Variants in SAMMSON observed in about 807,000 individuals in gnomAD.
SAMMSON encodes survival associated mitochondrial melanoma specific oncogenic non-coding RNA.
intron 3 of SAMMSON, among the ~76,000 whole-genome samples, chr3:70,037,965 A>T (rs1432641215): frequency 1.3e-5 from 2 of 152,182 alleles, no homozygotes; most frequent in Admixed American, 6.6e-5. Context: ...CATACTGGGG[A>T]TTATTACACT....
chr3:70,175,485 G>T (rs543710843), intron 4 of SAMMSON, among the ~76,000 whole-genome samples: 1 of 152,038 alleles, frequency 6.6e-6, no homozygotes, highest in African/African-American at 2.4e-5. Flanking sequence ...TCACATTAGG[G>T]CTCTGTTAGG....
At chr3:70,378,751 A>G (rs1703040844) in intron 9 of SAMMSON, among the ~76,000 whole-genome samples, 1 of 152,094 alleles carries the variant, frequency 6.6e-6, no homozygotes, top group African/African-American at 2.4e-5. Flanking sequence ...ACACATTGGT[A>G]CAAGTATGAA....
intron 3 of SAMMSON, among the ~76,000 whole-genome samples, chr3:70,057,104 T>G (rs2067170678): frequency 6.6e-6 from 1 of 152,038 alleles, no homozygotes; most frequent in Admixed American, 6.6e-5. Flanking sequence ...TTCTTAATAC[T>G]CCTACTAAAT....
At chr3:70,173,557 C>T (rs573711374) in intron 4 of SAMMSON, among the ~76,000 whole-genome samples, 3 of 152,032 alleles carry the variant, frequency 2.0e-5, no homozygotes, top group East Asian at 1.9e-4. Flanking sequence ...TGCCCTCTCA[C>T]GACTTTTGCA....
At chr3:70,147,780 A>G (rs529694530) in intron 4 of SAMMSON, among the ~76,000 whole-genome samples, 1 of 152,182 alleles carries the variant, frequency 6.6e-6, no homozygotes, top group East Asian at 1.9e-4. Context: ...ATCAATCCCT[A>G]AAAGAAAATA....
intron 2 of SAMMSON, among the ~76,000 whole-genome samples, chr3:70,399,495 C>T (rs1456101221): frequency 2.6e-5 from 4 of 152,266 alleles, no homozygotes; most frequent in South Asian, 2.1e-4. Context: ...TGTAGACCAA[C>T]TAGAGGTTTT....
At chr3:70,377,491 A>T (rs900974275) in intron 9 of SAMMSON, among the ~76,000 whole-genome samples, 3 of 152,128 alleles carry the variant, frequency 2.0e-5, no homozygotes, top group African/African-American at 7.2e-5. Context: ...ATAGAAATAA[A>T]TTCCAGATGG....
intron 4 of SAMMSON, among the ~76,000 whole-genome samples, chr3:70,185,285 C>G (rs916724406): frequency 2.0e-5 from 3 of 152,124 alleles, no homozygotes; most frequent in Non-Finnish European, 4.4e-5. Flanking sequence ...TATATCTTAT[C>G]CCATGGAAAT....
chr3:70,053,998 T>C (rs2067157155), intron 3 of SAMMSON, among the ~76,000 whole-genome samples: 1 of 152,148 alleles, frequency 6.6e-6, no homozygotes, highest in East Asian at 1.9e-4. Context: ...GTACACTTTG[T>C]CTTCCTGCAG....
intron 7 of SAMMSON, among the ~76,000 whole-genome samples, chr3:70,326,899 C>A (rs1022116780): frequency 1.3e-5 from 2 of 152,118 alleles, no homozygotes; most frequent in Non-Finnish European, 2.9e-5. Flanking sequence ...CGCTTTGTCA[C>A]TCATGCTGGA....
At chr3:70,132,276 C>T (rs925232548) in intron 4 of SAMMSON, among the ~76,000 whole-genome samples, 1 of 152,176 alleles carries the variant, frequency 6.6e-6, no homozygotes, top group Admixed American at 6.5e-5. Context: ...TGGGATGGTT[C>T]TGGACAGTCT....
At chr3:70,088,778 C>T (rs971241888) in intron 4 of SAMMSON, among the ~76,000 whole-genome samples, 1 of 152,078 alleles carries the variant, frequency 6.6e-6, no homozygotes, top group African/African-American at 2.4e-5. Flanking sequence ...TATAGTAGTT[C>T]CTTGCATTCA....
chr3:70,253,275 A>G (rs1241052524), intron 6 of SAMMSON, among the ~76,000 whole-genome samples: 1 of 152,164 alleles, frequency 6.6e-6, no homozygotes, highest in Non-Finnish European at 1.5e-5. Context: ...CCATGTGGAT[A>G]GGGAAGACCA....
intron 4 of SAMMSON, among the ~76,000 whole-genome samples, chr3:70,110,425 G>C (rs141079244): frequency 6.6e-6 from 1 of 152,122 alleles, no homozygotes; most frequent in African/African-American, 2.4e-5. Context: ...AAGTGAAGAG[G>C]GGTGATTTAC....
chr3:70,340,793 A>G (rs1311311543), intron 7 of SAMMSON, among the ~76,000 whole-genome samples: 2 of 152,050 alleles, frequency 1.3e-5, no homozygotes, highest in African/African-American at 4.8e-5. Flanking sequence ...TGCCCCTTGC[A>G]CCTTTTACTT....
intron 9 of SAMMSON, among the ~76,000 whole-genome samples, chr3:70,358,838 T>C (rs1381479621): frequency 6.6e-6 from 1 of 152,184 alleles, no homozygotes; most frequent in African/African-American, 2.4e-5. Flanking sequence ...AAAATCCATA[T>C]AATGTAAAAG....
chr3:70,381,186 A>G (rs991913682), intron 9 of SAMMSON, among the ~76,000 whole-genome samples: 17 of 152,174 alleles, frequency 1.1e-4, no homozygotes, highest in Non-Finnish European at 2.9e-5. Context: ...GTAGAAACCA[A>G]TTCCTCACTC....
intron 2 of SAMMSON, among the ~76,000 whole-genome samples, chr3:70,412,117 T>C (rs756360061): frequency 6.6e-6 from 1 of 152,164 alleles, no homozygotes; most frequent in African/African-American, 2.4e-5. Flanking sequence ...AAAGGACTAA[T>C]TCAATGCTGA....
At chr3:70,411,635 T>C (rs1433599462) in intron 2 of SAMMSON, among the ~76,000 whole-genome samples, 1 of 152,160 alleles carries the variant, frequency 6.6e-6, no homozygotes, top group Non-Finnish European at 1.5e-5. Context: ...AATTGAATCA[T>C]GGGGGCAGGT....
Sources: allele counts gnomAD v4.1 joint callset (sites outside exome capture counted in the v4.1 genomes callset), GRCh38; gene constraint gnomAD v4.1.1; transcripts MANE v1.5; gene names NCBI Gene and HGNC (gene_info 2026-07-23, HGNC 2026-07-21).